The following NSUN6 variants were observed in gnomAD, a reference collection of about 807,000 sequenced individuals.
NSUN6 encodes tRNA (cytosine(72)-C(5))-methyltransferase NSUN6.
Under a neutral mutation model 58.0 loss-of-function variants are expected in NSUN6, and 64 were observed. The observed-to-expected ratio is 1.10, with a 90% CI of 0.90 to 1.36. The LOEUF (loss-of-function observed/expected upper bound fraction) is 1.36, where lower values mean the gene tolerates loss of function less well. NSUN6 is among the 40% of genes most tolerant of loss of function. NSUN6 has a pLI of 0.00. For synonymous variants in NSUN6, 231 were observed against 193.9 expected (o/e 1.19, Z -1.59); for missense variants, 701 against 550.1 (o/e 1.27, Z -2.74).
At chr10:18,655,018 A>C, upstream of NSUN6, 2 of 951,256 alleles carry the variant, frequency 2.1e-6, no homozygotes, top group Non-Finnish European at 2.5e-6. Flanking sequence ...AATACTATAT[A>C]CCTTACCGAG....
chr10:18,599,203 A>G (rs778049551), intron 6 of NSUN6, among the ~76,000 whole-genome samples: 5 of 152,106 alleles, frequency 3.3e-5, no homozygotes, highest in Non-Finnish European at 5.9e-5. Flanking sequence ...ACACCTGGCT[A>G]ATCTTTAAAA....
chr10:18,566,366 ACATTC>A (rs2055943915), intron 8 of NSUN6, among the ~76,000 whole-genome samples: 1 of 141,550 alleles, frequency 7.1e-6, no homozygotes, highest in Middle Eastern at 4.3e-3. Context: ...ATTCCACTCC[ACATTC>A]CATTCCATTC....
chr10:18,655,020 C>A, upstream of NSUN6: 1 of 959,330 alleles, frequency 1.0e-6, no homozygotes, highest in African/African-American at 1.8e-5. Flanking sequence ...TACTATATAC[C>A]TTACCGAGAA....
At chr10:18,625,087 A>G (rs900168320) in intron 3 of NSUN6, among the ~76,000 whole-genome samples, 5 of 152,194 alleles carry the variant, frequency 3.3e-5, no homozygotes, top group Non-Finnish European at 5.9e-5. Context: ...AGCATGTCCT[A>G]TGGGACCTCA....
chr10:18,579,883 C>G (rs779133166), intron 8 of NSUN6, among the ~76,000 whole-genome samples: 1 of 152,136 alleles, frequency 6.6e-6, no homozygotes, highest in Non-Finnish European at 1.5e-5. Flanking sequence ...GTGCATTTGT[C>G]TCAGGTGAGC....
rs375306994 is a variant in NSUN6 at position 18,609,666 on chromosome 10, G to C, written c.657+179C>G. Among the ~76,000 whole-genome samples the C allele has an allele frequency of 1.9e-4, 29 of 152,068 alleles. No homozygotes were observed. In the East Asian group the frequency reaches 5.2e-3, roughly 27 times the overall value. On this transcript the variant is annotated intron_variant, in intron 6 of 10. Coordinates refer to ENST00000377304, the MANE Select transcript of NSUN6 (RefSeq NM_182543.5). ...AAAAAGTAGTTTAAAAATCAAATGA[G>C]AAAAAGAAAAGAAAGGAGAATGCTT...
intron 8 of NSUN6, among the ~76,000 whole-genome samples, chr10:18,559,454 G>A (rs1414948483): frequency 6.6e-6 from 1 of 150,992 alleles, no homozygotes; most frequent in Non-Finnish European, 1.5e-5. Flanking sequence ...ATGGAGAATG[G>A]ATTGGAATGG....
At chr10:18,603,943 G>A (rs532109986) in intron 6 of NSUN6, among the ~76,000 whole-genome samples, 124 of 152,218 alleles carry the variant, frequency 8.1e-4, no homozygotes, top group Non-Finnish European at 1.2e-3. Flanking sequence ...CAGCACTTTG[G>A]GAGATTAAGG....
At chr10:18,624,796 T>C (rs181373586) in intron 3 of NSUN6, among the ~76,000 whole-genome samples, 1 of 152,094 alleles carries the variant, frequency 6.6e-6, no homozygotes, top group Non-Finnish European at 1.5e-5. Flanking sequence ...CTTGGCTAGC[T>C]AAGCAGCTAG....
chr10:18,559,586 TGGAATGGAATGGAGAATGGAATGGAATGC>T (rs1417508813), intron 8 of NSUN6, among the ~76,000 whole-genome samples: 3 of 148,010 alleles, frequency 2.0e-5, no homozygotes, highest in African/African-American at 2.5e-5. Context: ...CAATAGAGAA[TGGAATGGAATGGAGAATGGAATGGAATGC>T]GGAATGGAAT....
Position 18,586,046 on chromosome 10 carries a change from GA to G in NSUN6, c.824del (p.Ile275ThrfsTer8). The G allele has an allele frequency of 6.2e-7, 1 of 1,608,534 alleles. No individual in the cohort carries two copies. The highest frequency in any genetic ancestry group is 8.5e-7 in the Non-Finnish European group (1 of 1,177,612). Reference protein sequence around the residue: ...LDKIFNKVEKIKQNALLLGLN... With the variant: ...LDKIFNKVEKXKQNALLLGLN... ...GCCCTAACAATAAGGCATTCTGTTTGATTTTTTCTACTTTGTTGAAGATTTT... is the reference window on the plus strand; with the variant it reads ...GCCCTAACAATAAGGCATTCTGTTTGTTTTTTCTACTTTGTTGAAGATTTT... On this transcript the variant is annotated frameshift_variant, in exon 8 of 11. Transcript: ENST00000377304. LOFTEE classifies it high-confidence loss of function.
chr10:18,559,983 C>T (rs866897127), intron 8 of NSUN6, among the ~76,000 whole-genome samples: 1 of 124,272 alleles, frequency 8.0e-6, no homozygotes, highest in Non-Finnish European at 1.7e-5. Context: ...AATGGAGAAT[C>T]GAATGGAATA....
chr10:18,644,595 G>T lies in NSUN6; in HGVS notation c.232-2040C>A, dbSNP rs560630464. ...CTCATGCCTGTAATCCCAGCACTTT[G>T]GGAGGCCGAGGCGGGTGGATCACGA... On this transcript the variant is annotated intron_variant, in intron 2 of 10. Transcript: ENST00000377304. 3.2e-4 allele frequency among the ~76,000 whole-genome samples: 49 copies of T among 151,730 alleles called. 1 individual carries two copies. The highest frequency in any genetic ancestry group is 3.4e-3 in the Middle Eastern group (1 of 294).
rs921469188 is a variant in NSUN6 at position 18,586,516 on chromosome 10, C to T, written c.778-423G>A. On this transcript the variant is annotated intron_variant, in intron 7 of 10. Transcript: ENST00000377304. ...AGTTGTTTGTTCCTCCGGGTGGGTT[C>T]GTGGTCTTGCTGACTTGGGGAGTGA... is the stretch of plus-strand genomic sequence containing the variant. Among the ~76,000 whole-genome samples the T allele has an allele frequency of 2.0e-5, 3 of 151,936 alleles. No individual in the cohort carries two copies. In the South Asian group the frequency reaches 6.2e-4, roughly 32 times the overall value.
At chr10:18,636,628 T>C in intron 3 of NSUN6, among the ~76,000 whole-genome samples, 1 of 152,114 alleles carries the variant, frequency 6.6e-6, no homozygotes, top group East Asian at 1.9e-4. Context: ...GCACAGTGGC[T>C]CATGCCTGTA....
Position 18,566,036 on chromosome 10 carries a change from T to C in NSUN6, c.923-14065A>G, listed in dbSNP as rs543843129. On this transcript the variant is annotated intron_variant, in intron 8 of 10. Coordinates refer to ENST00000377304, the MANE Select transcript of NSUN6 (RefSeq NM_182543.5). ...ATTCTCTATTCCATTCCATTCTCCA[T>C]TCCACTCTATTCCATTCTCCATTCT... Among the ~76,000 whole-genome samples, 3 of 151,564 alleles carry C rather than the reference T, an allele frequency of 2.0e-5. No homozygotes were observed. The South Asian group carries it at 6.3e-4, about 32-fold the overall frequency.
chr10:18,657,033 G>A (rs886843974), upstream of NSUN6, among the ~76,000 whole-genome samples: 9 of 151,992 alleles, frequency 5.9e-5, no homozygotes, highest in African/African-American at 2.2e-4. Context: ...TCTCCATGTT[G>A]TCTGGGTTGA....
intron 1 of NSUN6, among the ~76,000 whole-genome samples, chr10:18,650,751 T>C (rs2059679855): frequency 6.6e-6 from 1 of 152,212 alleles, no homozygotes; most frequent in African/African-American, 2.4e-5. Context: ...ACTGCTGGCA[T>C]TTAAGAGGCA....
At chr10:18,556,148 A>C (rs1302796683) in intron 8 of NSUN6, among the ~76,000 whole-genome samples, 1 of 150,272 alleles carries the variant, frequency 6.7e-6, no homozygotes, top group Non-Finnish European at 1.5e-5. Flanking sequence ...GGAGAATGGA[A>C]TGGAATGGAG....
Sources: allele counts gnomAD v4.1 joint callset (sites outside exome capture counted in the v4.1 genomes callset), GRCh38; gene constraint gnomAD v4.1.1; transcripts MANE v1.5; gene names NCBI Gene and HGNC (gene_info 2026-07-23, HGNC 2026-07-21).